Variants in IQCK observed in about 807,000 individuals in gnomAD.
IQCK encodes the protein IQ domain-containing protein K.
A neutral mutation model predicts 28.1 loss-of-function variants in IQCK; 29 were observed. The ratio of observed to expected loss-of-function variants is 1.03; its 90% CI spans 0.77 to 1.41. The LOEUF is 1.41. Among genes scored for constraint, IQCK ranks in the 40% most tolerant of loss-of-function variants. The pLI is 0.00. For missense variants in IQCK, 359 were observed against 314.7 expected, an observed-to-expected ratio of 1.14 and a Z score of -1.07; for synonymous variants, 113 against 115.1, an observed-to-expected ratio of 0.98 and a Z score of 0.12.
At chr16:19,755,838 G>A (rs1157317053) in intron 4 of IQCK, among the ~76,000 whole-genome samples, 3 of 152,150 alleles carry the variant, frequency 2.0e-5, no homozygotes, top group Non-Finnish European at 4.4e-5. Context: ...GACTGCTTTG[G>A]TCAGCAAAAT....
rs113135802 is a variant in IQCK at position 19,850,525 on chromosome 16, G to A, written c.803-5962G>A. Among the ~76,000 whole-genome samples, 55 of 152,194 alleles carry A rather than the reference G, an allele frequency of 3.6e-4. 1 individual carries two copies. Among genetic ancestry groups the A allele is most frequent in the African/African-American group, 1.2e-3 (51 of 41,514 alleles). On this transcript the variant is annotated intron_variant, in intron 9 of 9. Coordinates refer to the IQCK transcript ENST00000320394. ...TCATAGATATTGCTGATTTGGGAGCGTGAGCCAGTCTCCTCCTTGTAACCC... is the reference window on the plus strand; with the variant it reads ...TCATAGATATTGCTGATTTGGGAGCATGAGCCAGTCTCCTCCTTGTAACCC...
intron 9 of IQCK, among the ~76,000 whole-genome samples, chr16:19,856,165 G>A (rs1173289516): frequency 1.3e-5 from 2 of 152,254 alleles, no homozygotes; most frequent in Non-Finnish European, 2.9e-5. Context: ...CGGAGAGCCT[G>A]GAATCTGTCA....
At chr16:19,783,768 A>G (rs112312691) in intron 6 of IQCK, among the ~76,000 whole-genome samples, 21 of 152,326 alleles carry the variant, frequency 1.4e-4, no homozygotes, top group African/African-American at 4.8e-4. Flanking sequence ...TTATCTAGCT[A>G]TGAAAGCAGG....
At chr16:19,759,264 T>A (rs1010847905) in intron 4 of IQCK, among the ~76,000 whole-genome samples, 1 of 152,098 alleles carries the variant, frequency 6.6e-6, no homozygotes, top group Admixed American at 6.5e-5. Context: ...CAGGCTGGAG[T>A]GCAGTGGCGT....
At chr16:19,718,474 G>A in exon 1 of IQCK, 3 of 1,606,298 alleles carry the variant, frequency 1.9e-6, no homozygotes, top group South Asian at 2.2e-5. Context: ...ATCTGTGGGA[G>A]CAGATCTGCA....
intron 9 of IQCK, among the ~76,000 whole-genome samples, chr16:19,854,986 A>C (rs945247174): frequency 1.3e-5 from 2 of 152,228 alleles, no homozygotes; most frequent in Admixed American, 1.3e-4. Context: ...AGTATTAAAA[A>C]TATTTTTTTC....
intron 4 of IQCK, chr16:19,736,226 T>A: frequency 2.2e-6 from 1 of 449,534 alleles, no homozygotes; most frequent in Middle Eastern, 3.3e-4. Flanking sequence ...AACATCACAC[T>A]GCAGAGAATC....
chr16:19,805,721 A>G (rs1228688901), intron 7 of IQCK, among the ~76,000 whole-genome samples: 2 of 152,232 alleles, frequency 1.3e-5, no homozygotes, highest in Non-Finnish European at 2.9e-5. Flanking sequence ...TACAAACAAA[A>G]GCAATTCATA....
intron 9 of IQCK, among the ~76,000 whole-genome samples, chr16:19,840,638 CA>C (rs2141111095): frequency 6.6e-6 from 1 of 152,306 alleles, no homozygotes; most frequent in African/African-American, 2.4e-5. Context: ...TTATTCTTTA[CA>C]CCTTTGAAGT....
chr16:19,856,419 G>C, intron 9 of IQCK, 68 bp from the exon 9 acceptor site: 1 of 1,348,236 alleles, frequency 7.4e-7, no homozygotes, highest in Non-Finnish European at 1.1e-6. Flanking sequence ...CAGAGTTTCC[G>C]GTTTCCCAAT....
intron 7 of IQCK, among the ~76,000 whole-genome samples, chr16:19,823,673 A>C (rs1248145185): frequency 6.6e-6 from 1 of 152,228 alleles, no homozygotes; most frequent in African/African-American, 2.4e-5. Context: ...ACAGTGGCTC[A>C]CGCCTGTAAT....
At chr16:19,763,523 A>C (rs1031502121) in intron 4 of IQCK, among the ~76,000 whole-genome samples, 1 of 151,808 alleles carries the variant, frequency 6.6e-6, no homozygotes, top group Non-Finnish European at 1.5e-5. Context: ...GCTCACTGCA[A>C]CCTCCACCTC....
At chr16:19,856,337 G>A (rs2056561392) in intron 9 of IQCK, 150 bp from the exon 9 acceptor site, 1 of 638,790 alleles carries the variant, frequency 1.6e-6, no homozygotes. Flanking sequence ...TCTTCCCCGT[G>A]GATCCATGGG....
At chr16:19,749,312 CA>C (rs1258365484) in intron 4 of IQCK, among the ~76,000 whole-genome samples, 3 of 152,208 alleles carry the variant, frequency 2.0e-5, no homozygotes, top group Non-Finnish European at 2.9e-5. Flanking sequence ...GAACGCCTTC[CA>C]ACTACACAGG....
At chr16:19,790,404 CTT>C (rs1284787129) in intron 7 of IQCK, among the ~76,000 whole-genome samples, 1 of 95,384 alleles carries the variant, frequency 1.0e-5, no homozygotes, top group Non-Finnish European at 1.7e-5. Flanking sequence ...AGCAAGATGA[CTT>C]TCCCTGAATC....
chr16:19,804,997 T>C (rs1041728996), intron 7 of IQCK, among the ~76,000 whole-genome samples: 3 of 152,122 alleles, frequency 2.0e-5, no homozygotes, highest in Admixed American at 6.5e-5. Context: ...CAGCTTCCTC[T>C]TCCTCCTTTC....
chr16:19,723,453 A>G (rs1251523820), intron 1 of IQCK, among the ~76,000 whole-genome samples: 1 of 152,148 alleles, frequency 6.6e-6, no homozygotes, highest in South Asian at 2.1e-4. Flanking sequence ...TGCTAGGTGC[A>G]TTACTTCTCA....
chr16:19,827,325 C>T (rs1245152970), downstream of IQCK: 2 of 590,666 alleles, frequency 3.4e-6, no homozygotes, highest in Non-Finnish European at 6.0e-6. Flanking sequence ...ATATAATTTA[C>T]AGGGCCATTT....
chr16:19,737,074 A>G (rs1327553637), intron 4 of IQCK, among the ~76,000 whole-genome samples: 1 of 151,850 alleles, frequency 6.6e-6, no homozygotes, highest in Non-Finnish European at 1.5e-5. Context: ...AGATGGGAGG[A>G]TCAACTGAGC....
Sources: allele counts gnomAD v4.1 joint callset (sites outside exome capture counted in the v4.1 genomes callset), GRCh38; gene constraint gnomAD v4.1.1; transcripts MANE v1.5; gene names NCBI Gene and HGNC (gene_info 2026-07-23, HGNC 2026-07-21).